The following CRIM1 variants were observed in gnomAD, a reference collection of about 807,000 sequenced individuals.
CRIM1 encodes the protein cysteine rich transmembrane BMP regulator 1.
Under a neutral mutation model 116.4 loss-of-function variants are expected in CRIM1, and 32 were observed. The ratio of observed to expected loss-of-function variants is 0.27; its 90% CI spans 0.21 to 0.37. The LOEUF (loss-of-function observed/expected upper bound fraction) is 0.37, where lower values mean the gene tolerates loss of function less well. Among genes scored for constraint, CRIM1 ranks in the 10% least tolerant of loss-of-function variants. The probability of loss-of-function intolerance (pLI) is 1.00; values close to 1 mark genes in which losing one functional copy is unlikely to be tolerated. For missense variants in CRIM1, 1,331 were observed against 1,354.8 expected (o/e 0.98, Z 0.28); for synonymous variants, 590 against 509.2 (o/e 1.16, Z -2.13).
intron 4 of CRIM1, among the ~76,000 whole-genome samples, chr2:36,462,276 A>G (rs578261478): frequency 3.3e-5 from 5 of 152,370 alleles, no homozygotes; most frequent in East Asian, 3.9e-4. Context: ...TTTGGGTGAC[A>G]GGTACACTAA....
chr2:36,359,586 A>G (rs1394679937), intron 1 of CRIM1, among the ~76,000 whole-genome samples: 1 of 152,202 alleles, frequency 6.6e-6, no homozygotes, highest in Non-Finnish European at 1.5e-5. Flanking sequence ...AATCCTATCC[A>G]TAGAAAGAAT....
At chr2:36,400,456 G>A (rs1168086813) in intron 2 of CRIM1, among the ~76,000 whole-genome samples, 2 of 152,236 alleles carry the variant, frequency 1.3e-5, no homozygotes, top group East Asian at 3.9e-4. Flanking sequence ...GGAGCCAGAG[G>A]TTCTGCAGGT....
intron 6 of CRIM1, among the ~76,000 whole-genome samples, chr2:36,478,854 G>A (rs1472216439): frequency 6.6e-6 from 1 of 150,410 alleles, no homozygotes; most frequent in African/African-American, 2.5e-5. Flanking sequence ...TTTTTTTACA[G>A]TAGCTTTGGC....
chr2:36,426,344 C>A (rs1674447123), intron 2 of CRIM1, among the ~76,000 whole-genome samples: 1 of 152,128 alleles, frequency 6.6e-6, no homozygotes, highest in Non-Finnish European at 1.5e-5. Context: ...GAGTTACAAT[C>A]ATTAATCTTG....
At chr2:36,388,074 T>C (rs1208817906) in intron 1 of CRIM1, among the ~76,000 whole-genome samples, 1 of 152,196 alleles carries the variant, frequency 6.6e-6, no homozygotes, top group African/African-American at 2.4e-5. Flanking sequence ...TTTAAGTATT[T>C]GGTAAGTTCC....
At chr2:36,525,518 A>G (rs1017690238) in intron 13 of CRIM1, among the ~76,000 whole-genome samples, 8 of 152,184 alleles carry the variant, frequency 5.3e-5, no homozygotes, top group African/African-American at 1.7e-4. Context: ...AAAAACATGG[A>G]AACACACCAT....
intron 2 of CRIM1, among the ~76,000 whole-genome samples, chr2:36,438,548 C>G (rs1238753637): frequency 1.3e-5 from 2 of 152,108 alleles, no homozygotes; most frequent in Non-Finnish European, 2.9e-5. Context: ...ACGGCAGTTC[C>G]TTGGGGGGTT....
intron 1 of CRIM1, among the ~76,000 whole-genome samples, chr2:36,361,642 C>G (rs1253390253): frequency 6.6e-6 from 1 of 152,118 alleles, no homozygotes; most frequent in East Asian, 1.9e-4. Flanking sequence ...ACATTCCAGA[C>G]ATTAATTGTG....
At chr2:36,412,176 G>A (rs1371442266) in intron 2 of CRIM1, among the ~76,000 whole-genome samples, 2 of 151,588 alleles carry the variant, frequency 1.3e-5, no homozygotes, top group Non-Finnish European at 2.9e-5. Flanking sequence ...CTGTGATGAC[G>A]CCCAACAGAA....
At chr2:36,390,236 C>G (rs1270701971) in intron 1 of CRIM1, among the ~76,000 whole-genome samples, 4 of 152,226 alleles carry the variant, frequency 2.6e-5, no homozygotes, top group East Asian at 3.8e-4. Flanking sequence ...AAAACCTACT[C>G]ATATTCTGCA....
chr2:36,387,655 A>T (rs1671264815), intron 1 of CRIM1, among the ~76,000 whole-genome samples: 1 of 152,210 alleles, frequency 6.6e-6, no homozygotes. Flanking sequence ...TGATTTAAAA[A>T]ATTTCGGAAA....
intron 1 of CRIM1, among the ~76,000 whole-genome samples, chr2:36,377,152 T>G (rs536182930): frequency 6.6e-6 from 1 of 152,336 alleles, no homozygotes; most frequent in African/African-American, 2.4e-5. Flanking sequence ...TCAGGGGCGC[T>G]GTCCAGCCAG....
At chr2:36,522,518 G>T (rs1025527761) in intron 13 of CRIM1, among the ~76,000 whole-genome samples, 1 of 152,206 alleles carries the variant, frequency 6.6e-6, no homozygotes, top group East Asian at 1.9e-4. Flanking sequence ...ATAAATAAAT[G>T]AGGCCAGGAG....
chr2:36,440,324 A>G (rs1675706542), intron 2 of CRIM1, among the ~76,000 whole-genome samples: 1 of 152,192 alleles, frequency 6.6e-6, no homozygotes, highest in African/African-American at 2.4e-5. Flanking sequence ...TTACGGAAAC[A>G]TTGCCTGGTA....
intron 2 of CRIM1, among the ~76,000 whole-genome samples, chr2:36,404,171 A>C (rs1026207498): frequency 1.3e-5 from 2 of 152,200 alleles, no homozygotes; most frequent in African/African-American, 4.8e-5. Context: ...AAGGGTTGCT[A>C]CTGTTAGCCA....
intron 14 of CRIM1, among the ~76,000 whole-genome samples, chr2:36,539,260 A>G (rs1666773216): frequency 6.6e-6 from 1 of 152,210 alleles, no homozygotes; most frequent in South Asian, 2.1e-4. Context: ...CATGGGGAAC[A>G]GGCAGAACCT....
chr2:36,427,751 T>A (rs1302192156), intron 2 of CRIM1, among the ~76,000 whole-genome samples: 1 of 152,206 alleles, frequency 6.6e-6, no homozygotes, highest in African/African-American at 2.4e-5. Context: ...TCATGGGCGC[T>A]CTCTCTGTCT....
intron 9 of CRIM1, among the ~76,000 whole-genome samples, chr2:36,510,532 T>C (rs894701705): frequency 6.6e-6 from 1 of 152,194 alleles, no homozygotes; most frequent in Non-Finnish European, 1.5e-5. Context: ...TTAAGATCAA[T>C]TGAAGACCGA....
rs185228835 is a variant in CRIM1 at position 36,462,717 on chromosome 2, G to A, written c.870-1817G>A. Among the ~76,000 whole-genome samples the A allele has an allele frequency of 1.4e-3, 215 of 152,340 alleles. 1 individual carries two copies. Among genetic ancestry groups the A allele is most frequent in the African/African-American group, 5.0e-3 (206 of 41,570 alleles). On this transcript the variant is annotated intron_variant, in intron 4 of 16. Transcript: ENST00000280527. ...CACATCTACACATTGGGGCCAGGGT[G>A]TGGCCTGTCAGTATTCTAGCCCCAT...
Sources: allele counts gnomAD v4.1 joint callset (sites outside exome capture counted in the v4.1 genomes callset), GRCh38; gene constraint gnomAD v4.1.1; transcripts MANE v1.5; gene names NCBI Gene and HGNC (gene_info 2026-07-23, HGNC 2026-07-21).